Variants in ITGA2 observed in about 807,000 individuals in gnomAD.
ITGA2 encodes integrin alpha-2.
ITGA2 carries 101 observed loss-of-function variants against 146.3 expected under a neutral mutation model. That is an observed-to-expected ratio of 0.69 (90% CI 0.59 to 0.81). The LOEUF is 0.81. Ranked by LOEUF, ITGA2 falls within the 40% of genes least tolerant of loss-of-function variation. ITGA2 has a pLI of 0.00. For synonymous variants in ITGA2, 477 were observed against 487.1 expected, an observed-to-expected ratio of 0.98 and a Z score of 0.27; for missense variants, 1,281 against 1,402.7, an observed-to-expected ratio of 0.91 and a Z score of 1.39.
chr5:52,994,320 G>T (rs1741119348), intron 1 of ITGA2, among the ~76,000 whole-genome samples: 1 of 152,150 alleles, frequency 6.6e-6, no homozygotes, highest in Non-Finnish European at 1.5e-5. Context: ...TCAGCCCCTT[G>T]TCATCTTCCT....
At position 53,005,786 on chromosome 5, in the gene ITGA2, T is replaced by C. The variant is rs74825510; in HGVS notation, c.64+16254T>C. 6.1e-3 allele frequency among the ~76,000 whole-genome samples: 930 copies of C among 152,242 alleles called. 9 individuals are homozygous for C. The highest frequency in any genetic ancestry group is 0.021 in the African/African-American group (886 of 41,526). On this transcript the variant is annotated intron_variant, in intron 1 of 29. Transcript: ENST00000296585. Reference sequence around the variant, plus strand: ...CAATGAGGTAAACATATACATGATATCTATTTTACAGATGGGAAAGGAATG... The same window carrying C: ...CAATGAGGTAAACATATACATGATACCTATTTTACAGATGGGAAAGGAATG...
intron 1 of ITGA2, among the ~76,000 whole-genome samples, chr5:52,995,449 G>A (rs35234): frequency 6.6e-6 from 1 of 151,866 alleles, no homozygotes; most frequent in African/African-American, 2.4e-5. Context: ...TATTGGAAAG[G>A]CATTAAAGAA....
At chr5:53,068,731 C>T (rs957567859) in intron 16 of ITGA2, among the ~76,000 whole-genome samples, 9 of 151,364 alleles carry the variant, frequency 5.9e-5, no homozygotes, top group Admixed American at 1.3e-4. Flanking sequence ...GTATGTAAGA[C>T]GTGAATCCCA....
At chr5:53,056,237 T>C (rs1447215852) in intron 9 of ITGA2, 88 bp downstream of exon 9, 2 of 1,151,382 alleles carry the variant, frequency 1.7e-6, no homozygotes, top group African/African-American at 3.1e-5. Context: ...TAATGTTAAC[T>C]TGTATACCAT....
chr5:53,050,396 G>A (rs1744298222), intron 6 of ITGA2, among the ~76,000 whole-genome samples: 4 of 151,994 alleles, frequency 2.6e-5, no homozygotes, highest in Admixed American at 2.6e-4. Context: ...CTCTCGTATT[G>A]GACTTTGAAA....
chr5:53,034,455 G>C (rs1394630541), intron 2 of ITGA2, among the ~76,000 whole-genome samples: 1 of 151,924 alleles, frequency 6.6e-6, no homozygotes, highest in East Asian at 1.9e-4. Context: ...AATATCTCCT[G>C]ATTTGCTTCT....
intron 1 of ITGA2, among the ~76,000 whole-genome samples, chr5:52,993,547 T>C (rs27377): frequency 0.91 from 138,627 of 152,134 alleles, 63,663 homozygotes; most frequent in Non-Finnish European, 0.97. Flanking sequence ...CAAGAGTTAG[T>C]GGCTGTGAGC....
chr5:53,048,824 A>G (rs981891154), intron 6 of ITGA2, 54 bp downstream of exon 6: 3 of 1,582,334 alleles, frequency 1.9e-6, no homozygotes, highest in African/African-American at 2.7e-5. Flanking sequence ...TGAAAAAAAT[A>G]TTGTTAGCTA....
chr5:52,992,173 T>C (rs1740992782), intron 1 of ITGA2, among the ~76,000 whole-genome samples: 1 of 152,236 alleles, frequency 6.6e-6, no homozygotes, highest in African/African-American at 2.4e-5. Flanking sequence ...TTTAATTTCC[T>C]CCTGAAACAT....
chr5:53,025,942 T>C (rs1420735978), intron 1 of ITGA2, among the ~76,000 whole-genome samples: 1 of 152,128 alleles, frequency 6.6e-6, no homozygotes, highest in Non-Finnish European at 1.5e-5. Context: ...TCATTCCCTT[T>C]CCATCAGAAA....
In ITGA2 at chr5:53,029,075, C is replaced by T. The variant is rs1743096012; in HGVS notation, c.185+2207C>T. Among the ~76,000 whole-genome samples, 3 of 152,152 alleles carry T rather than the reference C, an allele frequency of 2.0e-5. No homozygotes were observed. In the South Asian group the frequency reaches 6.2e-4, roughly 32 times the overall value. ...TCACTTGAGGCCAGGATTTCAAGAC[C>T]AGCCTGGTCAACATGGCGAAACCCC... On this transcript the variant is annotated intron_variant, in intron 2 of 29. Transcript: ENST00000296585.
chr5:53,093,627 G>A lies in ITGA2; in HGVS notation c.*3028G>A, dbSNP rs547012254. ...CTCAAGCACTTTTAAGCAAAGGTAA[G>A]TATTCATACAAGAAATTTAGGGGGA... is the stretch of plus-strand genomic sequence containing the variant. On this transcript the variant is annotated 3_prime_UTR_variant, in exon 30 of 30. Transcript: ENST00000296585. 37 of 152,264 alleles carry A rather than the reference G, an allele frequency of 2.4e-4. No homozygotes were observed. Among genetic ancestry groups the A allele is most frequent in the Middle Eastern group, 3.4e-3 (1 of 294 alleles). The allele number at this position is 152,264 out of a possible 1,614,324, so 9.4% of individuals were successfully genotyped here.
At chr5:53,078,197 G>T (rs1186083661) in intron 23 of ITGA2, among the ~76,000 whole-genome samples, 1 of 152,044 alleles carries the variant, frequency 6.6e-6, no homozygotes, top group African/African-American at 2.4e-5. Flanking sequence ...CTTAAAGGTG[G>T]TCTCTACACT....
chr5:53,051,255 T>C (rs183927230), intron 6 of ITGA2, among the ~76,000 whole-genome samples, 156 bp from the exon 7 acceptor site: 2 of 152,294 alleles, frequency 1.3e-5, no homozygotes, highest in East Asian at 1.9e-4. Flanking sequence ...AATCATTCCA[T>C]TGAAAGAAAA....
chr5:53,071,411 A>T (rs553339555), intron 17 of ITGA2, among the ~76,000 whole-genome samples: 2 of 151,958 alleles, frequency 1.3e-5, no homozygotes, highest in East Asian at 3.9e-4. Context: ...TATCAATGCC[A>T]GTTAAAGTAC....
At chr5:53,000,452 A>G (rs980975834) in intron 1 of ITGA2, among the ~76,000 whole-genome samples, 2 of 152,078 alleles carry the variant, frequency 1.3e-5, no homozygotes, top group Admixed American at 6.5e-5. Context: ...GAATTTTTGT[A>G]TTCATGTTCA....
chr5:53,081,208 G>C (rs1316711795), intron 25 of ITGA2, among the ~76,000 whole-genome samples: 1 of 152,022 alleles, frequency 6.6e-6, no homozygotes, highest in Non-Finnish European at 1.5e-5. Flanking sequence ...CTTGACATTG[G>C]CTCATCTTCA....
chr5:53,021,382 A>G (rs1450771332), intron 1 of ITGA2, among the ~76,000 whole-genome samples: 1 of 152,220 alleles, frequency 6.6e-6, no homozygotes, highest in East Asian at 1.9e-4. Flanking sequence ...CAAAATTTTT[A>G]TTAGCAAAAT....
chr5:53,032,496 T>A (rs1743271827), intron 2 of ITGA2, among the ~76,000 whole-genome samples: 1 of 152,168 alleles, frequency 6.6e-6, no homozygotes, highest in Non-Finnish European at 1.5e-5. Flanking sequence ...GTTAAGTAAT[T>A]AACCTAAGAT....
Sources: allele counts gnomAD v4.1 joint callset (sites outside exome capture counted in the v4.1 genomes callset), GRCh38; gene constraint gnomAD v4.1.1; transcripts MANE v1.5; gene names NCBI Gene and HGNC (gene_info 2026-07-23, HGNC 2026-07-21).